The following SEC22A variants were observed in gnomAD, a reference collection of about 807,000 sequenced individuals.
The protein encoded by SEC22A is vesicle-trafficking protein SEC22a.
SEC22A carries 22 observed loss-of-function variants against 35.3 expected under a neutral mutation model. That is an observed-to-expected ratio of 0.62 (90% CI 0.45 to 0.89). SEC22A has a LOEUF of 0.89. SEC22A is among the 40% of genes least tolerant of loss of function. The probability of loss-of-function intolerance (pLI) is 0.00; values close to 1 mark genes in which losing one functional copy is unlikely to be tolerated. For missense variants in SEC22A, 354 were observed against 362.5 expected, an observed-to-expected ratio of 0.98 and a Z score of 0.19; for synonymous variants, 119 against 129.5, an observed-to-expected ratio of 0.92 and a Z score of 0.55.
chr3:123,237,028 G>A (rs999778498), intron 4 of SEC22A, among the ~76,000 whole-genome samples: 7 of 152,132 alleles, frequency 4.6e-5, no homozygotes, highest in East Asian at 3.8e-4. Context: ...GAAAACTTTC[G>A]GTCTCTAGGT....
intron 4 of SEC22A, among the ~76,000 whole-genome samples, chr3:123,232,138 G>A (rs1441831154): frequency 6.6e-6 from 1 of 152,164 alleles, no homozygotes; most frequent in East Asian, 1.9e-4. Context: ...TGCTCAGGAG[G>A]CTGAGGACGA....
intron 2 of SEC22A, among the ~76,000 whole-genome samples, chr3:123,215,183 C>T (rs1937000054): frequency 6.6e-6 from 1 of 152,190 alleles, no homozygotes; most frequent in African/African-American, 2.4e-5. Flanking sequence ...GGGGCAGACA[C>T]ACAACTCACA....
At chr3:123,254,905 C>G (rs1033958241) in intron 5 of SEC22A, among the ~76,000 whole-genome samples, 21 of 150,392 alleles carry the variant, frequency 1.4e-4, no homozygotes, top group African/African-American at 5.2e-4. Flanking sequence ...CACAACAGAC[C>G]CCAGTGTATG....
intron 3 of SEC22A, 137 bp downstream of exon 3, chr3:123,223,859 A>G (rs1937173594): frequency 1.6e-6 from 1 of 625,794 alleles, no homozygotes. Flanking sequence ...TCTATAAATT[A>G]TGGTAACTTT....
chr3:123,233,650 C>CA (rs1157713521), intron 4 of SEC22A, among the ~76,000 whole-genome samples: 1 of 135,860 alleles, frequency 7.4e-6, no homozygotes, highest in African/African-American at 3.0e-5. Context: ...AAAAAACAAA[C>CA]AAACAAAAAA....
intron 1 of SEC22A, among the ~76,000 whole-genome samples, chr3:123,203,039 CATCTGTT>C (rs1936779637): frequency 8.0e-6 from 1 of 124,476 alleles, no homozygotes; most frequent in Admixed American, 8.1e-5. Context: ...AAAACCATCA[CATCTGTT>C]TAGTGCCTTT....
chr3:123,259,829 A>G (rs1338568649), intron 6 of SEC22A, among the ~76,000 whole-genome samples: 1 of 152,118 alleles, frequency 6.6e-6, no homozygotes, highest in African/African-American at 2.4e-5. Context: ...TCATCTGCCT[A>G]TGGTAGTAAA....
intron 4 of SEC22A, among the ~76,000 whole-genome samples, chr3:123,227,340 G>A (rs564322923): frequency 6.6e-6 from 1 of 152,146 alleles, no homozygotes; most frequent in South Asian, 2.1e-4. Flanking sequence ...AGTTAAGTCA[G>A]CAACTGTGTG....
At chr3:123,217,909 G>A (rs2108039350) in intron 2 of SEC22A, among the ~76,000 whole-genome samples, 1 of 152,290 alleles carries the variant, frequency 6.6e-6, no homozygotes, top group Non-Finnish European at 1.5e-5. Context: ...TATGCTAGGT[G>A]TTCTGTCTGC....
chr3:123,244,893 TAATTC>T (rs1419715456), intron 4 of SEC22A, among the ~76,000 whole-genome samples: 2 of 152,214 alleles, frequency 1.3e-5, no homozygotes, highest in Non-Finnish European at 2.9e-5. Flanking sequence ...ACCCTGTTGT[TAATTC>T]TATTAAGCGT....
intron 6 of SEC22A, among the ~76,000 whole-genome samples, chr3:123,261,785 C>G (rs1937898930): frequency 6.6e-6 from 1 of 152,120 alleles, no homozygotes; most frequent in South Asian, 2.1e-4. Context: ...ATAGACAGTT[C>G]TTATAGCTTG....
rs1269863974 is a variant in SEC22A, at chr3:123,273,180, T to G, written c.*1458T>G. On this transcript the variant is annotated 3_prime_UTR_variant, in exon 7 of 7. Coordinates refer to ENST00000492595, the MANE Select transcript of SEC22A (RefSeq NM_012430.5). ...TAATTGTTGTTACTAGGCATATTTA[T>G]TAAGTAGAGAAATAGAGGGTAAAAA... 1 of 152,244 alleles carries G rather than the reference T, an allele frequency of 6.6e-6. No homozygotes were observed. Among genetic ancestry groups the G allele is most frequent in the African/African-American group, 2.4e-5 (1 of 41,458 alleles). The allele number at this position is 152,244 out of a possible 1,614,324, so 9.4% of individuals were successfully genotyped here. A position where few individuals can be genotyped will look rare whatever the true frequency, so the allele number is the denominator to read the frequency against.
rs780054322 is a variant in SEC22A at position 123,259,622 on chromosome 3, C to G, written c.723+33C>G. On this transcript the variant is annotated intron_variant, in intron 6 of 6. Transcript: ENST00000492595. ...TTCTTCCATTTTAAAGAAACACTTA[C>G]CATTATTGTTTACTTCGGGTATCAG... 5 of 1,443,724 alleles carry G rather than the reference C, an allele frequency of 3.5e-6. No homozygotes were observed. In the Admixed American group the frequency reaches 5.1e-5, roughly 15 times the overall value. 89.4% of individuals were successfully genotyped at this position (1,443,724 alleles called of 1,614,324 possible). A position where few individuals can be genotyped will look rare whatever the true frequency, so the allele number is the denominator to read the frequency against.
At chr3:123,212,864 C>T (rs74761089) in intron 2 of SEC22A, among the ~76,000 whole-genome samples, 6,767 of 152,072 alleles carry the variant, frequency 0.044, 236 homozygotes, top group African/African-American at 0.096. Flanking sequence ...GCAGATATTA[C>T]CGTTGAGTTT....
intron 4 of SEC22A, among the ~76,000 whole-genome samples, chr3:123,240,753 T>A (rs942852543): frequency 6.6e-6 from 1 of 152,168 alleles, no homozygotes; most frequent in African/African-American, 2.4e-5. Flanking sequence ...GCATTTTGAT[T>A]ACTCAACATC....
chr3:123,218,822 C>T lies in SEC22A; in HGVS notation c.183-4737C>T, dbSNP rs369512152. Among the ~76,000 whole-genome samples the T allele has an allele frequency of 7.2e-5, 11 of 152,124 alleles. No individual in the cohort carries two copies. In the South Asian group the frequency reaches 1.0e-3, roughly 14 times the overall value. On this transcript the variant is annotated intron_variant, in intron 2 of 6. Transcript: ENST00000492595. Reference sequence around the variant, plus strand: ...AAAGGAATGATGCCACCTTTGCACTCATTTATTTACTGAGCACTTATGGTA... The same window carrying T: ...AAAGGAATGATGCCACCTTTGCACTTATTTATTTACTGAGCACTTATGGTA...
chr3:123,271,374 G>T lies in SEC22A; in HGVS notation c.724-148G>T, dbSNP rs1021691737. 7 of 634,260 alleles carry T rather than the reference G, an allele frequency of 1.1e-5. No individual in the cohort carries two copies. The East Asian group carries it at 1.9e-4, about 17-fold the overall frequency. 39.3% of individuals were successfully genotyped at this position (634,260 alleles called of 1,614,324 possible). On this transcript the variant is annotated intron_variant, in intron 6 of 6. Coordinates refer to ENST00000492595, the MANE Select transcript of SEC22A (RefSeq NM_012430.5). ...GAAACTTTCATAGCTGAATGTCTTA[G>T]ATATATGCTACATTATCTTATCCCT...
At chr3:123,205,318 C>CT (rs1436752279) in intron 1 of SEC22A, among the ~76,000 whole-genome samples, 1 of 152,200 alleles carries the variant, frequency 6.6e-6, no homozygotes, top group Non-Finnish European at 1.5e-5. Context: ...AAACCATTCT[C>CT]TGACAACCTT....
intron 4 of SEC22A, among the ~76,000 whole-genome samples, chr3:123,228,714 T>A (rs1374637406): frequency 6.6e-6 from 1 of 151,990 alleles, no homozygotes; most frequent in Non-Finnish European, 1.5e-5. Flanking sequence ...TTCAAAGTAG[T>A]CATTATAATC....
Sources: allele counts gnomAD v4.1 joint callset (sites outside exome capture counted in the v4.1 genomes callset), GRCh38; gene constraint gnomAD v4.1.1; transcripts MANE v1.5; gene names NCBI Gene and HGNC (gene_info 2026-07-23, HGNC 2026-07-21).